The following THAP7 variants were observed in gnomAD, a reference collection of about 807,000 sequenced individuals.
THAP7 encodes THAP domain-containing protein 7.
THAP7 carries 22 observed loss-of-function variants against 29.2 expected under a neutral mutation model. That is an observed-to-expected ratio of 0.75 (90% CI 0.54 to 1.08). THAP7 has a LOEUF of 1.08. THAP7 is among the 50% of genes least tolerant of loss of function. The probability of loss-of-function intolerance (pLI) is 0.00; values close to 1 mark genes in which losing one functional copy is unlikely to be tolerated. For missense variants in THAP7, 448 were observed against 416.2 expected (o/e 1.08, Z -0.66); for synonymous variants, 208 against 173.4 (o/e 1.20, Z -1.57).
In THAP7 at chr22:21,000,328, G is replaced by C; in HGVS notation, c.482C>G (p.Ala161Gly). 1 of 1,555,500 alleles carries C rather than the reference G, an allele frequency of 6.4e-7. No homozygotes were observed. Among genetic ancestry groups the C allele is most frequent in the Non-Finnish European group, 8.7e-7 (1 of 1,149,488 alleles). The change falls in exon 4 of 4, where the codon GCC (alanine) becomes GGC (glycine). Residue 161 changes from alanine to glycine, a missense_variant. Coordinates refer to ENST00000215742, the MANE Select transcript of THAP7 (RefSeq NM_030573.3). ...EEASAPATLP[A>G]SPAGRLEPGL... ...AGGCTCCAGCCTCCCAGCTGGGGAG[G>C]CCGGCAAAGTGGCAGGTGCTGAGGC...
Position 21,000,429 on chromosome 22 carries a change from G to A in THAP7, c.381C>T (p.Cys127=), listed in dbSNP as rs1043805729. The change falls in exon 4 of 4, where the codon TGC becomes TGT. Residue 127 remains cysteine (C), a synonymous_variant. Coordinates refer to ENST00000215742, the MANE Select transcript of THAP7 (RefSeq NM_030573.3). Reference sequence around the variant, plus strand: ...GAGTTGTGGGCCCTCGGCCCTCGGAGCAGCTGGTAAGGGGGAAGAGAGAGA... The same window carrying A: ...GAGTTGTGGGCCCTCGGCCCTCGGAACAGCTGGTAAGGGGGAAGAGAGAGA... ...VSRLRRCRKR[C]SEGRGPTTPF... The A allele has an allele frequency of 2.6e-6, 4 of 1,550,452 alleles. No homozygotes were observed. The Admixed American group carries it at 5.9e-5, about 23-fold the overall frequency.
In THAP7 at chr22:21,000,214, C is replaced by T. The variant is rs61743647; in HGVS notation, c.596G>A (p.Arg199Gln). The T allele has an allele frequency of 4.6e-4, 716 of 1,558,548 alleles. 3 individuals are homozygous for T. In the African/African-American group the frequency reaches 8.2e-3, roughly 18 times the overall value. The change falls in exon 4 of 4, where the codon CGG (arginine) becomes CAG (glutamine). Residue 199 changes from arginine (R) to glutamine (Q), a missense_variant. Physicochemically the swap from Arg to Gln is conservative, Grantham distance 43 (BLOSUM62 1). Coordinates refer to ENST00000215742, the MANE Select transcript of THAP7 (RefSeq NM_030573.3). ...CCGTGGTTCGAGAGGGGAGGGCTGC[C>T]GCTCTGGTGAAGGCTGGGCGCTGCA... is the stretch of plus-strand genomic sequence containing the variant. ...AGCSAQPSPERQPSPLEPRPV... is the reference protein window; with the variant it reads ...AGCSAQPSPEQQPSPLEPRPV...
intron 1 of THAP7, 180 bp from the exon 2 acceptor site, chr22:21,001,591 G>A: frequency 9.8e-7 from 1 of 1,022,028 alleles, no homozygotes; most frequent in Non-Finnish European, 1.4e-6. Context: ...GAGAAGAAAA[G>A]CAGTTTCCTC....
Position 21,001,381 on chromosome 22 carries a change from G to A in THAP7, c.111C>T (p.Gly37=). 1 of 1,613,896 alleles carries A rather than the reference G, an allele frequency of 6.2e-7. No individual in the cohort carries two copies. Among genetic ancestry groups the A allele is most frequent in the Non-Finnish European group, 8.5e-7 (1 of 1,180,004 alleles). The change falls in exon 2 of 4, where the codon GGC becomes GGT. Residue 37 remains glycine, a synonymous_variant. Coordinates refer to ENST00000215742, the MANE Select transcript of THAP7 (RefSeq NM_030573.3). ...RLPKKDNPRR[G]LWLANCQRLD... is the part of the protein sequence containing the mutation. ...GCCGCTGGCAGTTGGCCAGCCACAA[G>A]CCTCGCCTCGGGTTGTCCTTCTTGG... is the stretch of plus-strand genomic sequence containing the variant.
rs1302718050 is a variant in THAP7 at position 21,000,701 on chromosome 22, T to C, written c.323A>G (p.His108Arg). ...KLRRTTKTKG[H>R]SYPPGPAEVS... The stretch of plus-strand genomic sequence containing the variant: ...TTCAGCGGGGCCAGGTGGGTAACTG[T>C]GTCCTTTGGTCTTGGTTGTCCGGCG... The change falls in exon 3 of 4, where the codon CAC becomes CGC. Residue 108 changes from histidine (H) to arginine (R), a missense_variant. His to Arg is a conservative substitution (Grantham distance 29, BLOSUM62 0). Transcript: ENST00000215742. The C allele has an allele frequency of 1.9e-6, 3 of 1,614,198 alleles. No homozygotes were observed. Among genetic ancestry groups the C allele is most frequent in the Non-Finnish European group, 2.5e-6 (3 of 1,180,024 alleles).
Position 21,000,334 on chromosome 22 carries a change from A to C in THAP7, c.476T>G (p.Leu159Trp), listed in dbSNP as rs1293346744. The part of the protein sequence containing the change: ...PVEEASAPAT[L>W]PASPAGRLEP... ...CAGCCTCCCAGCTGGGGAGGCCGGCAAAGTGGCAGGTGCTGAGGCCTCTTC... is the reference window on the plus strand; with the variant it reads ...CAGCCTCCCAGCTGGGGAGGCCGGCCAAGTGGCAGGTGCTGAGGCCTCTTC... The change falls in exon 4 of 4, where the codon TTG becomes TGG. Residue 159 changes from leucine (L) to tryptophan (W), a missense_variant. Coordinates refer to ENST00000215742, the MANE Select transcript of THAP7 (RefSeq NM_030573.3). 6.4e-7 allele frequency: 1 copy of C among 1,555,308 alleles called. No individual in the cohort carries two copies. The highest frequency in any genetic ancestry group is 8.7e-7 in the Non-Finnish European group (1 of 1,149,314).
At position 21,000,779 on chromosome 22, in the gene THAP7, T is replaced by C. The variant is rs376478751; in HGVS notation, c.245A>G (p.His82Arg). Residue 82 changes from histidine (H) to arginine (R), a missense_variant, in exon 3 of 4, where the codon CAC (histidine) becomes CGC (arginine). Physicochemically the swap from His to Arg is conservative, Grantham distance 29. Coordinates refer to ENST00000215742, the MANE Select transcript of THAP7 (RefSeq NM_030573.3). ...CFELVGISGY[H>R]RLKEGAVPTI... ...GGGGACTGCCCCCTCCTTTAGCCTG[T>C]GATATCCACTGCGGGGAAAAGCAAC... The C allele has an allele frequency of 1.9e-6, 3 of 1,613,992 alleles. No individual in the cohort carries two copies. In the African/African-American group the frequency reaches 4.0e-5, roughly 22 times the overall value.
At chr22:21,001,100 C>T in intron 2 of THAP7, 156 bp downstream of exon 2, 2 of 1,141,940 alleles carry the variant, frequency 1.8e-6, no homozygotes, top group South Asian at 1.5e-5. Context: ...GTCACAGGCA[C>T]AGTGATCCTG....
rs183233702 is a variant in THAP7 at position 21,001,162 on chromosome 22, G to A, written c.236+94C>T. On this transcript the variant is annotated intron_variant, in intron 2 of 3. Coordinates refer to ENST00000215742, the MANE Select transcript of THAP7 (RefSeq NM_030573.3). ...GGAACAGGAAACAGCCCCCTTGGAC[G>A]CAGGCTGCTCAAGGGACTTCCATGA... The A allele has an allele frequency of 4.6e-6, 7 of 1,525,068 alleles. No homozygotes were observed. In the African/African-American group the frequency reaches 5.5e-5, roughly 12 times the overall value. 94.5% of individuals were successfully genotyped at this position (1,525,068 alleles called of 1,614,324 possible). A position where few individuals can be genotyped will look rare whatever the true frequency, so the allele number is the denominator to read the frequency against.
chr22:21,001,973 C>T lies in THAP7; in HGVS notation c.-62G>A. 1 of 1,468,256 alleles carries T rather than the reference C, an allele frequency of 6.8e-7. No individual in the cohort carries two copies. Among genetic ancestry groups the T allele is most frequent in the Non-Finnish European group, 9.1e-7 (1 of 1,100,242 alleles). The allele number at this position is 1,468,256 out of a possible 1,614,324, so 91.0% of individuals were successfully genotyped here. A position where few individuals can be genotyped will look rare whatever the true frequency, so the allele number is the denominator to read the frequency against. On this transcript the variant is annotated 5_prime_UTR_variant, in exon 1 of 4. Transcript: ENST00000215742. The stretch of plus-strand genomic sequence containing the variant: ...TCCGGGCATCCGGAGGAGCCTCGCG[C>T]CTCCAGCCGCCGCTCCTCCCCAAGG...
chr22:21,000,242 C>G lies in THAP7; in HGVS notation c.568G>C (p.Gly190Arg). The G allele has an allele frequency of 6.4e-7, 1 of 1,557,058 alleles. No homozygotes were observed. The highest frequency in any genetic ancestry group is 8.7e-7 in the Non-Finnish European group (1 of 1,150,036). ...GPLGAQADEA[G>R]CSAQPSPERQ... ...TCTGGTGAAGGCTGGGCGCTGCAGC[C>G]TGCTTCATCTGCCTGGGCACCCAAG... Residue 190 changes from glycine to arginine, a missense_variant, in exon 4 of 4, where the codon GGC becomes CGC. Gly to Arg is a moderately radical substitution (Grantham distance 125). Coordinates refer to ENST00000215742, the MANE Select transcript of THAP7 (RefSeq NM_030573.3).
In THAP7 at chr22:21,000,183, G is replaced by A. The variant is rs1012343747; in HGVS notation, c.627C>T (p.Val209=). Residue 209 remains valine, a synonymous_variant, in exon 4 of 4, where the codon GTC becomes GTT. Coordinates refer to ENST00000215742, the MANE Select transcript of THAP7 (RefSeq NM_030573.3). ...GGCGCAGCATATACGCTGAGGGGGA[G>A]ACTGGCCGTGGTTCGAGAGGGGAGG... is the stretch of plus-strand genomic sequence containing the variant. The part of the protein sequence containing the change: ...RQPSPLEPRP[V]SPSAYMLRLP... 1 of 1,565,726 alleles carries A rather than the reference G, an allele frequency of 6.4e-7. No homozygotes were observed. The highest frequency in any genetic ancestry group is 8.7e-7 in the Non-Finnish European group (1 of 1,155,342).
In THAP7 at chr22:20,999,786, C is replaced by A; in HGVS notation, c.*94G>T. 3 of 1,438,476 alleles carry A rather than the reference C, an allele frequency of 2.1e-6. No individual in the cohort carries two copies. The South Asian group carries it at 4.1e-5, about 20-fold the overall frequency. The allele number at this position is 1,438,476 out of a possible 1,614,324, so 89.1% of individuals were successfully genotyped here. ...GACAGCAGGCCCTCCGTCTAGAATC[C>A]GCTTTATTATGGCACCTGGTGGGTC... On this transcript the variant is annotated 3_prime_UTR_variant, in exon 4 of 4. Transcript: ENST00000215742.
At chr22:21,001,172 C>T in intron 2 of THAP7, 84 bp downstream of exon 2, 1 of 1,564,246 alleles carries the variant, frequency 6.4e-7, no homozygotes, top group East Asian at 2.3e-5. Context: ...GCAGGCTGCT[C>T]AAGGGACTTC....
chr22:21,000,725 C>T lies in THAP7; in HGVS notation c.299G>A (p.Arg100His), dbSNP rs1925116330. The T allele has an allele frequency of 2.5e-6, 4 of 1,614,172 alleles. No homozygotes were observed. Among genetic ancestry groups the T allele is most frequent in the East Asian group, 2.2e-5 (1 of 44,884 alleles). Residue 100 changes from arginine to histidine, a missense_variant, in exon 3 of 4, where the codon CGC becomes CAC. Coordinates refer to ENST00000215742, the MANE Select transcript of THAP7 (RefSeq NM_030573.3). The stretch of plus-strand genomic sequence containing the variant: ...GTGTCCTTTGGTCTTGGTTGTCCGG[C>T]GCAACTTGGAGAAAGACTCAAATAT... ...PTIFESFSKL[R>H]RTTKTKGHSY...
Position 20,999,844 on chromosome 22 carries a change from C to T in THAP7, c.*36G>A. On this transcript the variant is annotated 3_prime_UTR_variant, in exon 4 of 4. Transcript: ENST00000215742. The stretch of plus-strand genomic sequence containing the variant: ...ATCTGAGGGAGGAAGAGGCTGCAGT[C>T]TTGCTGGGCAGCCCCTCGGTCAGTC... 2 of 1,569,052 alleles carry T rather than the reference C, an allele frequency of 1.3e-6. No homozygotes were observed. The highest frequency in any genetic ancestry group is 1.7e-6 in the Non-Finnish European group (2 of 1,161,708).
At chr22:21,000,859 C>T (rs1158462868) in intron 2 of THAP7, 72 bp from the exon 3 acceptor site, 21 of 1,598,896 alleles carry the variant, frequency 1.3e-5, no homozygotes, top group African/African-American at 1.3e-5. Flanking sequence ...CCCCCAGCAG[C>T]AGCGCCGTGG....
Position 21,001,902 on chromosome 22 carries a change from G to T in THAP7, c.10C>A (p.His4Asn), listed in dbSNP as rs1367921220. MPRHCSAAGCCTRD... is the reference protein window; with the variant it reads MPRNCSAAGCCTRD... ...GTGCAGCAGCCGGCGGCGGAGCAGTGACGCGGCATCTGGGAAAGAGGCGGG... is the reference window on the plus strand; with the variant it reads ...GTGCAGCAGCCGGCGGCGGAGCAGTTACGCGGCATCTGGGAAAGAGGCGGG... Residue 4 changes from histidine (H) to asparagine (N), a missense_variant, in exon 1 of 4, where the codon CAC becomes AAC. By Grantham distance (68) the His-to-Asn change is moderately conservative (BLOSUM62 1). Transcript: ENST00000215742. 6.4e-7 allele frequency: 1 copy of T among 1,569,702 alleles called. No homozygotes were observed. The highest frequency in any genetic ancestry group is 2.4e-5 in the East Asian group (1 of 42,014).
chr22:21,000,442 G>A lies in THAP7; in HGVS notation c.378-10C>T. 3.9e-6 allele frequency: 6 copies of A among 1,547,328 alleles called. No individual in the cohort carries two copies. Among genetic ancestry groups the A allele is most frequent in the Non-Finnish European group, 5.2e-6 (6 of 1,148,288 alleles). ...TCGGCCCTCGGAGCAGCTGGTAAGG[G>A]GGAAGAGAGAGACTGATGGGCTAGG... On this transcript the variant is annotated splice_polypyrimidine_tract_variant and intron_variant, in intron 3 of 3. Transcript: ENST00000215742.
Sources: allele counts gnomAD v4.1 joint callset, GRCh38; gene constraint gnomAD v4.1.1; transcripts MANE v1.5; gene names NCBI Gene and HGNC (gene_info 2026-07-23, HGNC 2026-07-21).